Variants in KCNJ6 observed in about 807,000 individuals in gnomAD.
The protein encoded by KCNJ6 is G protein-activated inward rectifier potassium channel 2.
In KCNJ6, 9 loss-of-function variants were observed where a neutral mutation model predicts 34.2. The ratio of observed to expected loss-of-function variants is 0.26; its 90% CI spans 0.16 to 0.46. KCNJ6 has a LOEUF of 0.46. KCNJ6 is among the 20% of genes least tolerant of loss of function. The probability of loss-of-function intolerance (pLI) is 1.00; values close to 1 mark genes in which losing one functional copy is unlikely to be tolerated. For missense variants in KCNJ6, 236 were observed against 531.3 expected, an observed-to-expected ratio of 0.44 and a Z score of 5.46; for synonymous variants, 196 against 207.1, an observed-to-expected ratio of 0.95 and a Z score of 0.46.
intron 3 of KCNJ6, among the ~76,000 whole-genome samples, chr21:37,662,913 T>G (rs2054496572): frequency 6.6e-6 from 1 of 152,224 alleles, no homozygotes; most frequent in South Asian, 2.1e-4. Context: ...TGTCTTCTTT[T>G]GAGAAGTGTC....
intron 2 of KCNJ6, among the ~76,000 whole-genome samples, chr21:37,753,951 T>G (rs2055010540): frequency 4.6e-5 from 7 of 152,232 alleles, no homozygotes; most frequent in Admixed American, 4.6e-4. Flanking sequence ...CCCTTGAGCA[T>G]GTGCTGCCTG....
intron 1 of KCNJ6, among the ~76,000 whole-genome samples, chr21:37,877,965 A>G (rs2055687212): frequency 6.6e-6 from 1 of 152,270 alleles, no homozygotes; most frequent in Non-Finnish European, 1.5e-5. Context: ...AAAAGGCATC[A>G]TAAGACTTTT....
At chr21:37,895,664 T>C (rs1471325675) in intron 1 of KCNJ6, among the ~76,000 whole-genome samples, 1 of 152,158 alleles carries the variant, frequency 6.6e-6, no homozygotes, top group East Asian at 1.9e-4. Flanking sequence ...AAGTACATTG[T>C]CCTGATTACT....
rs562693839 is a variant in KCNJ6, at chr21:37,841,039, CCT to C, written c.-27-332_-27-331del. Reference sequence around the variant, plus strand: ...GACATCCATATGCCAATTTTTTTTTCCTCTCTGTTTCCCCCCATTGAAGCTTT... The same window carrying C: ...GACATCCATATGCCAATTTTTTTTTCCTCTGTTTCCCCCCATTGAAGCTTT... On this transcript the variant is annotated intron_variant, in intron 1 of 3. Transcript: ENST00000609713. 1.7e-3 allele frequency among the ~76,000 whole-genome samples: 251 copies of C among 151,698 alleles called. 1 individual carries two copies. The highest frequency in any genetic ancestry group is 3.2e-3 in the Non-Finnish European group (219 of 67,868).
At chr21:37,799,068 C>G (rs958649857) in intron 2 of KCNJ6, among the ~76,000 whole-genome samples, 1 of 152,158 alleles carries the variant, frequency 6.6e-6, no homozygotes, top group African/African-American at 2.4e-5. Context: ...CCTCTCCCTC[C>G]TCCCATGCTC....
chr21:37,757,650 C>A (rs1189720256), intron 2 of KCNJ6, among the ~76,000 whole-genome samples: 1 of 149,624 alleles, frequency 6.7e-6, no homozygotes, highest in Non-Finnish European at 1.5e-5. Context: ...GGAGTGAGCT[C>A]TCCCTCACAG....
chr21:37,700,874 G>C (rs2054687346), intron 3 of KCNJ6, among the ~76,000 whole-genome samples: 1 of 152,154 alleles, frequency 6.6e-6, no homozygotes, highest in Admixed American at 6.5e-5. Context: ...ATTTGCATAA[G>C]AGAGCCTATG....
intron 2 of KCNJ6, among the ~76,000 whole-genome samples, chr21:37,765,772 C>T (rs2055087778): frequency 6.6e-6 from 1 of 152,212 alleles, no homozygotes; most frequent in Admixed American, 6.5e-5. Flanking sequence ...AGTTCTAACA[C>T]ACTTCTTCAT....
intron 1 of KCNJ6, among the ~76,000 whole-genome samples, chr21:37,853,932 AAG>A (rs2055551618): frequency 2.0e-5 from 3 of 149,982 alleles, no homozygotes; most frequent in African/African-American, 7.3e-5. Flanking sequence ...AAGCTAAACA[AAG>A]AGATATATTC....
intron 2 of KCNJ6, among the ~76,000 whole-genome samples, chr21:37,742,859 T>C (rs2054948006): frequency 6.6e-6 from 1 of 152,216 alleles, no homozygotes; most frequent in South Asian, 2.1e-4. Flanking sequence ...TGATGATGTG[T>C]CCTCTTCTTC....
At chr21:37,707,731 G>GTGTGTGTGTA (rs1556022152) in intron 3 of KCNJ6, among the ~76,000 whole-genome samples, 1 of 150,940 alleles carries the variant, frequency 6.6e-6, no homozygotes, top group African/African-American at 2.4e-5. Flanking sequence ...GCATGTGTGT[G>GTGTGTGTGTA]TGTGAATAAT....
chr21:37,896,052 C>T (rs2055786294), intron 1 of KCNJ6, among the ~76,000 whole-genome samples: 1 of 152,138 alleles, frequency 6.6e-6, no homozygotes, highest in Non-Finnish European at 1.5e-5. Context: ...GCATTTGCGG[C>T]CTCTGGGGAG....
At chr21:37,779,755 G>A (rs1273113611) in intron 2 of KCNJ6, among the ~76,000 whole-genome samples, 1 of 152,216 alleles carries the variant, frequency 6.6e-6, no homozygotes, top group African/African-American at 2.4e-5. Flanking sequence ...TAACCTTGAA[G>A]GTTTGCTTGT....
intron 2 of KCNJ6, among the ~76,000 whole-genome samples, chr21:37,778,279 T>A (rs2055152039): frequency 6.6e-6 from 1 of 152,114 alleles, no homozygotes; most frequent in African/African-American, 2.4e-5. Context: ...CGTTGCTACT[T>A]TGCTTTCTGA....
intron 1 of KCNJ6, among the ~76,000 whole-genome samples, chr21:37,909,687 T>A (rs1233557008): frequency 6.6e-6 from 1 of 152,228 alleles, no homozygotes; most frequent in Admixed American, 6.5e-5. Flanking sequence ...AGAACTTTAC[T>A]TACATTATCA....
At position 37,617,018 on chromosome 21, in the gene KCNJ6, TTC is replaced by T. The variant is rs1556008803; in HGVS notation, c.*8139_*8140del. The T allele has an allele frequency of 1.4e-4, 3 of 21,612 alleles. No homozygotes were observed. The highest frequency in any genetic ancestry group is 6.9e-4 in the African/African-American group (3 of 4,370). 1.3% of individuals were successfully genotyped at this position (21,612 alleles called of 1,614,324 possible). On this transcript the variant is annotated 3_prime_UTR_variant, in exon 4 of 4. Transcript: ENST00000609713. ...TTCTTTCTCTTTCTTTTCTCTTTCT[TTC>T]TTTCTTTCTTTCTTTCTTTCTTTCT...
In KCNJ6 at chr21:37,844,064, AT is replaced by A. The variant is rs3061052; in HGVS notation, c.-27-3356del. ...CCTTCCTCACCCCCTGATATTTTGC[AT>A]TTTTTTTTTTTTGAGATGGAGTCTT... On this transcript the variant is annotated intron_variant, in intron 1 of 3. Coordinates refer to ENST00000609713, the MANE Select transcript of KCNJ6 (RefSeq NM_002240.5). 5.4e-3 allele frequency among the ~76,000 whole-genome samples: 769 copies of A among 143,528 alleles called. 3 individuals carry two copies. Among genetic ancestry groups the A allele is most frequent in the African/African-American group, 0.011 (442 of 38,776 alleles). The allele number at this position is 143,528 out of a possible 152,430, so 94.2% of individuals were successfully genotyped here.
chr21:37,758,190 A>G lies in KCNJ6; in HGVS notation c.26-43059T>C, dbSNP rs138625170. 5.9e-5 allele frequency among the ~76,000 whole-genome samples: 9 copies of G among 152,334 alleles called. No homozygotes were observed. In the East Asian group the frequency reaches 1.2e-3, roughly 20 times the overall value. On this transcript the variant is annotated intron_variant, in intron 2 of 3. Transcript: ENST00000609713. The stretch of plus-strand genomic sequence containing the variant: ...TAAGACAGTGGGAGTGACGGGGCAG[A>G]GTCACCACGGAGGTGGGTGTCTGCA...
chr21:37,719,962 A>G (rs1247158266), intron 2 of KCNJ6, among the ~76,000 whole-genome samples: 1 of 152,182 alleles, frequency 6.6e-6, no homozygotes, highest in Non-Finnish European at 1.5e-5. Context: ...CCAAGAAAAC[A>G]TACAAAAAGT....
Sources: gnomAD v4.1 joint callset for allele counts (sites outside exome capture counted in the v4.1 genomes callset) on GRCh38, gnomAD v4.1.1 for gene constraint, MANE v1.5 for transcripts, NCBI Gene and HGNC (gene_info 2026-07-23, HGNC 2026-07-21) for gene names.